The following PADI2 variants were observed in gnomAD, a reference collection of about 807,000 sequenced individuals.
The protein encoded by PADI2 is protein-arginine deiminase type-2.
In PADI2, 70 loss-of-function variants were observed where a neutral mutation model predicts 81.1. That is an observed-to-expected ratio of 0.86 (90% CI 0.71 to 1.05). The LOEUF is 1.05. PADI2 is among the 50% of genes least tolerant of loss of function. The pLI, the probability that PADI2 is intolerant of heterozygous loss-of-function variation, is 0.00. For synonymous variants in PADI2, 338 were observed against 358.0 expected, an observed-to-expected ratio of 0.94 and a Z score of 0.63; for missense variants, 853 against 889.9, an observed-to-expected ratio of 0.96 and a Z score of 0.53.
chr1:17,083,073 A>G (rs560148975), intron 9 of PADI2: 1 of 159,946 alleles, frequency 6.3e-6, no homozygotes, highest in East Asian at 1.9e-4. Context: ...GGGTCTTGCT[A>G]TGTTGCCCAA....
chr1:17,069,211 C>T lies in PADI2; in HGVS notation c.1831G>A (p.Glu611Lys). Residue 611 changes from glutamate to lysine, a missense_variant, in exon 16 of 16, where the codon GAA becomes AAA. Coordinates refer to ENST00000375486, the MANE Select transcript of PADI2 (RefSeq NM_007365.3). ...CGCACGTGCATCTCCAGGCAGCATT[C>T]CTCCTCAACCTGTGGCCCGAATGGC... ...PKPFGPQVEE[E>K]CCLEMHVRGL... 6.2e-7 allele frequency: 1 copy of T among 1,614,206 alleles called. No homozygotes were observed. The highest frequency in any genetic ancestry group is 8.5e-7 in the Non-Finnish European group (1 of 1,179,990).
At position 17,084,722 on chromosome 1, in the gene PADI2, C is replaced by A; in HGVS notation, c.835-20G>T. 1 of 1,480,964 alleles carries A rather than the reference C, an allele frequency of 6.8e-7. No homozygotes were observed. The highest frequency in any genetic ancestry group is 9.2e-7 in the Non-Finnish European group (1 of 1,087,182). The allele number at this position is 1,480,964 out of a possible 1,614,324, so 91.7% of individuals were successfully genotyped here. On this transcript the variant is annotated intron_variant, in intron 7 of 15. Transcript: ENST00000375486. ...AATGTCCTGGGTGTGGGAGACAAGG[C>A]GTGGGGGATCAAAAGGTTTTGTCAG...
chr1:17,075,123 C>A, intron 12 of PADI2, 174 bp from the exon 13 acceptor site: 1 of 529,788 alleles, frequency 1.9e-6, no homozygotes, highest in Non-Finnish European at 3.4e-6. Context: ...ATATTTCTCA[C>A]CTTTCCTCTA....
intron 13 of PADI2, among the ~76,000 whole-genome samples, chr1:17,073,499 T>A (rs1159596222): frequency 6.6e-6 from 1 of 152,036 alleles, no homozygotes; most frequent in African/African-American, 2.4e-5. Context: ...GTCCCGGAAC[T>A]GTGTCCTTAC....
Position 17,066,835 on chromosome 1 carries a change from C to T in PADI2, c.*2209G>A, listed in dbSNP as rs758308243. On this transcript the variant is annotated 3_prime_UTR_variant, in exon 16 of 16. Transcript: ENST00000375486. ...CCTAAACATCTTTAGATCTCCACCA[C>T]AGGCTCTTTTCCAGAAATTTGAAAC... 1.3e-5 allele frequency: 2 copies of T among 152,252 alleles called. No individual in the cohort carries two copies. The highest frequency in any genetic ancestry group is 1.5e-5 in the Non-Finnish European group (1 of 68,056). 9.4% of individuals were successfully genotyped at this position (152,252 alleles called of 1,614,324 possible). A position where few individuals can be genotyped will look rare whatever the true frequency, so the allele number is the denominator to read the frequency against.
rs140945853 is a variant in PADI2 at position 17,070,141 on chromosome 1, C to A, written c.1711G>T (p.Ala571Ser). 1 of 1,614,074 alleles carries A rather than the reference C, an allele frequency of 6.2e-7. No homozygotes were observed. The highest frequency in any genetic ancestry group is 8.5e-7 in the Non-Finnish European group (1 of 1,179,974). The change falls in exon 15 of 16, where the codon GCT becomes TCT. Residue 571 changes from alanine (A) to serine (S), a missense_variant. Ala to Ser is a moderately conservative substitution (Grantham distance 99, BLOSUM62 1). Coordinates refer to ENST00000375486, the MANE Select transcript of PADI2 (RefSeq NM_007365.3). ...TGGTCCTCGTCCATCTTGAACAGAGCGGGCAGGTCAATGATGTCCTGCTCT... is the reference window on the plus strand; with the variant it reads ...TGGTCCTCGTCCATCTTGAACAGAGAGGGCAGGTCAATGATGTCCTGCTCT... Reference protein sequence around the residue: ...LTEQDIIDLPALFKMDEDHRA... With the variant: ...LTEQDIIDLPSLFKMDEDHRA...
At chr1:17,094,566 C>T (rs929180144) in intron 4 of PADI2, among the ~76,000 whole-genome samples, 3 of 152,192 alleles carry the variant, frequency 2.0e-5, no homozygotes, top group Admixed American at 6.5e-5. Flanking sequence ...CACAGCTATC[C>T]GAAACACTCC....
intron 2 of PADI2, among the ~76,000 whole-genome samples, chr1:17,103,458 G>A (rs2018865): frequency 0.015 from 2,283 of 152,140 alleles, 56 homozygotes; most frequent in African/African-American, 0.053. Context: ...TCATAATTAC[G>A]GAACCCAGAA....
chr1:17,094,018 G>C (rs1182626811), intron 4 of PADI2, among the ~76,000 whole-genome samples: 1 of 152,092 alleles, frequency 6.6e-6, no homozygotes, highest in Non-Finnish European at 1.5e-5. Flanking sequence ...TGGGTCCCTA[G>C]GTCCCTAGGG....
At chr1:17,093,511 G>C in intron 5 of PADI2, 56 bp downstream of exon 5, 1 of 1,160,580 alleles carries the variant, frequency 8.6e-7, no homozygotes, top group Non-Finnish European at 1.3e-6. Flanking sequence ...CCAGGACTGG[G>C]CATGAATCTT....
At chr1:17,079,873 C>T (rs2078331889) in intron 10 of PADI2, among the ~76,000 whole-genome samples, 2 of 151,558 alleles carry the variant, frequency 1.3e-5, no homozygotes, top group Non-Finnish European at 1.5e-5. Flanking sequence ...CAGCTCATTG[C>T]AACCTGTGCC....
intron 1 of PADI2, among the ~76,000 whole-genome samples, chr1:17,108,979 C>A (rs1931477888): frequency 1.3e-5 from 2 of 152,166 alleles, no homozygotes. Flanking sequence ...GACTTTCCCT[C>A]TCTCAGTTTC....
At chr1:17,098,303 C>G (rs1931018460) in intron 3 of PADI2, among the ~76,000 whole-genome samples, 1 of 152,212 alleles carries the variant, frequency 6.6e-6, no homozygotes, top group South Asian at 2.1e-4. Flanking sequence ...GCCCTGCGGC[C>G]TTCGTCTCTA....
chr1:17,080,446 A>T (rs1003472560), intron 10 of PADI2, among the ~76,000 whole-genome samples: 1 of 152,198 alleles, frequency 6.6e-6, no homozygotes, highest in African/African-American at 2.4e-5. Context: ...TGAGCGCTAG[A>T]GTAAGGAAGG....
At chr1:17,087,709 T>G (rs1370344709) in intron 6 of PADI2, among the ~76,000 whole-genome samples, 2 of 152,080 alleles carry the variant, frequency 1.3e-5, no homozygotes, top group Non-Finnish European at 2.9e-5. Flanking sequence ...ATCGCCATCT[T>G]GGTCAGGCTG....
At chr1:17,104,228 T>C (rs1211419458) in intron 2 of PADI2, among the ~76,000 whole-genome samples, 1 of 151,188 alleles carries the variant, frequency 6.6e-6, no homozygotes, top group East Asian at 2.0e-4. Context: ...AGGTGGAGCT[T>C]GCAGTGAGCC....
At position 17,094,736 on chromosome 1, in the gene PADI2, A is replaced by T. The variant is rs547006131; in HGVS notation, c.412-1052T>A. On this transcript the variant is annotated intron_variant, in intron 4 of 15. Coordinates refer to ENST00000375486, the MANE Select transcript of PADI2 (RefSeq NM_007365.3). The stretch of plus-strand genomic sequence containing the variant: ...GTGAAAACTTCACCGGCCCAGATTT[A>T]AAAATTCTGGCCAAGTTCAGGCTCA... Among the ~76,000 whole-genome samples the T allele has an allele frequency of 3.1e-3, 476 of 152,354 alleles. 2 individuals carry two copies. The highest frequency in any genetic ancestry group is 0.011 in the African/African-American group (456 of 41,586).
intron 3 of PADI2, among the ~76,000 whole-genome samples, chr1:17,097,695 T>C (rs1930987698): frequency 6.6e-6 from 1 of 152,096 alleles, no homozygotes. Flanking sequence ...CAAATCGGGC[T>C]GGTAATCTGG....
intron 8 of PADI2, 106 bp from the exon 9 acceptor site, chr1:17,083,943 G>T (rs2078366360): frequency 1.3e-6 from 1 of 768,058 alleles, no homozygotes; most frequent in African/African-American, 1.7e-5. Flanking sequence ...GCTGTGCCGG[G>T]CAGATCAGTC....
Sources: gnomAD v4.1 joint callset for allele counts (sites outside exome capture counted in the v4.1 genomes callset) on GRCh38, gnomAD v4.1.1 for gene constraint, MANE v1.5 for transcripts, NCBI Gene and HGNC (gene_info 2026-07-23, HGNC 2026-07-21) for gene names.